GPRIN3: variants seen among roughly 807,000 people sequenced by gnomAD.
The protein encoded by GPRIN3 is G protein-regulated inducer of neurite outgrowth 3.
GPRIN3 carries 12 observed loss-of-function variants against 13.7 expected under a neutral mutation model. The observed-to-expected ratio is 0.87, with a 90% CI of 0.56 to 1.42. The LOEUF (loss-of-function observed/expected upper bound fraction) is 1.42. Among genes scored for constraint, GPRIN3 ranks in the 40% most tolerant of loss-of-function variants. The probability of loss-of-function intolerance (pLI) is 0.00; values close to 1 mark genes in which losing one functional copy is unlikely to be tolerated. For synonymous variants in GPRIN3, 377 were observed against 372.7 expected (o/e 1.01, Z -0.13); for missense variants, 1,009 against 958.7 (o/e 1.05, Z -0.69).
chr4:89,242,321 A>AT lies in GPRIN3; in HGVS notation c.*5458dup, dbSNP rs1722965870. 6.6e-6 allele frequency: 1 copy of AT among 152,132 alleles called. No homozygotes were observed. The highest frequency in any genetic ancestry group is 2.1e-4 in the South Asian group (1 of 4,836). 9.4% of individuals were successfully genotyped at this position (152,132 alleles called of 1,614,324 possible). A position where few individuals can be genotyped will look rare whatever the true frequency, so the allele number is the denominator to read the frequency against. On this transcript the variant is annotated 3_prime_UTR_variant, in exon 2 of 2. Transcript: ENST00000609438. ...TTAGTGATTTTACATCCGGGAGCCC[A>AT]TTTTTTCACAGCTAAAGCTGGTAAT...
At chr4:89,303,617 G>A (rs1264563123) in intron 1 of GPRIN3, among the ~76,000 whole-genome samples, 1 of 97,986 alleles carries the variant, frequency 1.0e-5, no homozygotes, top group Non-Finnish European at 2.8e-5. Context: ...TTACCAGGGT[G>A]AAGATGATCA....
chr4:89,258,644 C>G (rs1393452180), intron 1 of GPRIN3, among the ~76,000 whole-genome samples: 1 of 152,198 alleles, frequency 6.6e-6, no homozygotes, highest in Non-Finnish European at 1.5e-5. Context: ...TTTGACTCCA[C>G]TTGGATTCCC....
chr4:89,245,820 C>A lies in GPRIN3; in HGVS notation c.*1960G>T, dbSNP rs193045056. On this transcript the variant is annotated 3_prime_UTR_variant, in exon 2 of 2. Transcript: ENST00000609438. ...CCAAAGAGAGAGTGTTAGGCTAAATCTCTAATCATTAATAGTAATTTGCTT... is the reference window on the plus strand; with the variant it reads ...CCAAAGAGAGAGTGTTAGGCTAAATATCTAATCATTAATAGTAATTTGCTT... The A allele has an allele frequency of 9.6e-4, 146 of 151,576 alleles. No homozygotes were observed. Among genetic ancestry groups the A allele is most frequent in the Admixed American group, 9.5e-3 (145 of 15,242 alleles). The allele number at this position is 151,576 out of a possible 1,614,324, so 9.4% of individuals were successfully genotyped here.
chr4:89,265,619 C>G (rs1723760343), intron 1 of GPRIN3, among the ~76,000 whole-genome samples: 1 of 152,160 alleles, frequency 6.6e-6, no homozygotes, highest in African/African-American at 2.4e-5. Context: ...GACTACTATG[C>G]TTTAGAACAA....
At chr4:89,299,646 G>C (rs1724839327) in intron 1 of GPRIN3, among the ~76,000 whole-genome samples, 1 of 152,162 alleles carries the variant, frequency 6.6e-6, no homozygotes, top group Admixed American at 6.5e-5. Context: ...GCCTCAGAGA[G>C]GGGTTGCAAA....
chr4:89,303,083 T>A lies in GPRIN3; in HGVS notation c.-124+4532A>T, dbSNP rs528755770. Among the ~76,000 whole-genome samples the A allele has an allele frequency of 3.3e-5, 5 of 152,232 alleles. No homozygotes were observed. In the South Asian group the frequency reaches 1.0e-3, roughly 32 times the overall value. ...TCAGGAACACAAGTAAAGGTTTTCT[T>A]CTCTAACTTTGTCTCTTCAGAATAA... On this transcript the variant is annotated intron_variant, in intron 1 of 1. Coordinates refer to ENST00000609438, the MANE Select transcript of GPRIN3 (RefSeq NM_198281.3).
chr4:89,299,026 G>A (rs955989831), intron 1 of GPRIN3, among the ~76,000 whole-genome samples: 2 of 152,160 alleles, frequency 1.3e-5, no homozygotes, highest in South Asian at 2.1e-4. Flanking sequence ...CAGTTTCTTC[G>A]TAAAAGAGCA....
At chr4:89,278,457 AATT>A (rs1724154908) in intron 1 of GPRIN3, among the ~76,000 whole-genome samples, 2 of 152,190 alleles carry the variant, frequency 1.3e-5, no homozygotes, top group South Asian at 4.1e-4. Context: ...GTTTCTATAA[AATT>A]ATTAATTATG....
intron 1 of GPRIN3, among the ~76,000 whole-genome samples, chr4:89,305,080 A>G (rs1444215990): frequency 1.3e-5 from 2 of 152,236 alleles, no homozygotes; most frequent in African/African-American, 4.8e-5. Flanking sequence ...TTTACTGACC[A>G]GATGAGTTGG....
At chr4:89,274,706 T>C (rs1724046435) in intron 1 of GPRIN3, among the ~76,000 whole-genome samples, 1 of 152,108 alleles carries the variant, frequency 6.6e-6, no homozygotes, top group South Asian at 2.1e-4. Flanking sequence ...CAAACTTAGT[T>C]GTGCAGCAGA....
chr4:89,273,750 T>A (rs932245874), intron 1 of GPRIN3, among the ~76,000 whole-genome samples: 1 of 152,176 alleles, frequency 6.6e-6, no homozygotes, highest in Non-Finnish European at 1.5e-5. Flanking sequence ...TTTTCATAGG[T>A]GCTGTACTCC....
rs1024599270 is a variant in GPRIN3, at chr4:89,246,545, C to T, written c.*1235G>A. 1 of 152,132 alleles carries T rather than the reference C, an allele frequency of 6.6e-6. No individual in the cohort carries two copies. The highest frequency in any genetic ancestry group is 1.5e-5 in the Non-Finnish European group (1 of 68,032). 9.4% of individuals were successfully genotyped at this position (152,132 alleles called of 1,614,324 possible). A position where few individuals can be genotyped will look rare whatever the true frequency, so the allele number is the denominator to read the frequency against. On this transcript the variant is annotated 3_prime_UTR_variant, in exon 2 of 2. Transcript: ENST00000609438. ...ATCACAAGCCATGTTTTCGTAAAGG[C>T]CTCTTCTTTCATTGGGTTTGAAGGA...
intron 1 of GPRIN3, among the ~76,000 whole-genome samples, chr4:89,251,694 A>G (rs1039391465): frequency 6.6e-6 from 1 of 152,248 alleles, no homozygotes; most frequent in African/African-American, 2.4e-5. Flanking sequence ...CAAGGTCCAG[A>G]AAACAGCATA....
At chr4:89,263,953 A>AT (rs1471485252) in intron 1 of GPRIN3, among the ~76,000 whole-genome samples, 1 of 152,180 alleles carries the variant, frequency 6.6e-6, no homozygotes, top group African/African-American at 2.4e-5. Flanking sequence ...TTTCAAAAGC[A>AT]TTTTTGAAAG....
intron 1 of GPRIN3, among the ~76,000 whole-genome samples, chr4:89,270,581 A>ATATATATATAT: frequency 1.0e-5 from 1 of 100,150 alleles, no homozygotes; most frequent in South Asian, 3.6e-4. Flanking sequence ...ATATATATAT[A>ATATATATATAT]TATATATATA....
At chr4:89,286,094 T>TAC (rs1561221252) in intron 1 of GPRIN3, among the ~76,000 whole-genome samples, 1 of 78,882 alleles carries the variant, frequency 1.3e-5, no homozygotes, top group African/African-American at 5.8e-5. Flanking sequence ...TGTGTGTGTA[T>TAC]ATATATATAT....
chr4:89,250,131 C>T lies in GPRIN3; in HGVS notation c.-21G>A, dbSNP rs774220695. 13 of 1,596,720 alleles carry T rather than the reference C, an allele frequency of 8.1e-6. No homozygotes were observed. The Admixed American group carries it at 8.5e-5, about 10-fold the overall frequency. On this transcript the variant is annotated 5_prime_UTR_variant, in exon 2 of 2. In the 5' UTR this introduces an upstream ATG that the reference lacks. Transcript: ENST00000609438. ...CCCATGGAATTTCTCTTCAGGAGCA[C>T]TCCAGAGCTCTCTTGAGTACTGGTC...
chr4:89,305,112 TG>T (rs1206439415), intron 1 of GPRIN3, among the ~76,000 whole-genome samples: 1 of 152,152 alleles, frequency 6.6e-6, no homozygotes, highest in Admixed American at 6.5e-5. Context: ...GACTTCAGTT[TG>T]TAGGTGGATC....
intron 1 of GPRIN3, among the ~76,000 whole-genome samples, chr4:89,282,805 C>T (rs1724289617): frequency 6.6e-6 from 1 of 152,086 alleles, no homozygotes. Flanking sequence ...AGAGAGCTAT[C>T]CCCACTTTGC....
Sources: gnomAD v4.1 joint callset for allele counts (sites outside exome capture counted in the v4.1 genomes callset) on GRCh38, gnomAD v4.1.1 for gene constraint, MANE v1.5 for transcripts, NCBI Gene and HGNC (gene_info 2026-07-23, HGNC 2026-07-21) for gene names.